Variants in ANKRD26 observed in about 807,000 individuals in gnomAD.
ANKRD26 encodes ankyrin repeat domain 26.
ANKRD26 carries 141 observed loss-of-function variants against 208.7 expected under a neutral mutation model. The observed-to-expected ratio is 0.68, with a 90% CI of 0.59 to 0.78. The LOEUF is 0.78. ANKRD26 is among the 30% of genes least tolerant of loss of function. The pLI, the probability that ANKRD26 is intolerant of heterozygous loss-of-function variation, is 0.00. For synonymous variants in ANKRD26, 636 were observed against 660.4 expected, an observed-to-expected ratio of 0.96 and a Z score of 0.57; for missense variants, 1,889 against 1,938.7, an observed-to-expected ratio of 0.97 and a Z score of 0.48.
intron 25 of ANKRD26, among the ~76,000 whole-genome samples, chr10:27,029,981 C>G (rs958000232): frequency 2.6e-5 from 4 of 152,080 alleles, no homozygotes; most frequent in African/African-American, 7.2e-5. Context: ...GAAACAGAGA[C>G]AGTAATACTA....
At chr10:27,077,569 T>C (rs1312702438) in intron 8 of ANKRD26, 29 bp from the exon 9 acceptor site, 5 of 1,611,214 alleles carry the variant, frequency 3.1e-6, no homozygotes, top group Non-Finnish European at 4.2e-6. Context: ...AAAGAGTAAA[T>C]GAAAATATAT....
rs937170371 is a variant in ANKRD26 at position 27,050,038 on chromosome 10, T to C, written c.1636-1059A>G. ...GAGTTTAAGACCAGCCTGGCCAACA[T>C]GGTGAAACCCCATCTCTACTAAAAT... On this transcript the variant is annotated intron_variant, in intron 16 of 33. Transcript: ENST00000376087. Among the ~76,000 whole-genome samples the C allele has an allele frequency of 4.0e-5, 6 of 151,430 alleles. 1 individual carries two copies. The South Asian group carries it at 1.3e-3, about 32-fold the overall frequency.
At chr10:26,987,304 T>G (rs112924241), downstream of ANKRD26, among the ~76,000 whole-genome samples, 1 of 152,100 alleles carries the variant, frequency 6.6e-6, no homozygotes, top group African/African-American at 2.4e-5. Context: ...GGGGGATGGA[T>G]AGCATTAGGA....
At chr10:26,996,118 T>C (rs930478949) in intron 4 of ANKRD26, among the ~76,000 whole-genome samples, 26 of 152,188 alleles carry the variant, frequency 1.7e-4, no homozygotes, top group African/African-American at 5.8e-4. Context: ...TGTCTAAATA[T>C]TATGATATTG....
intron 9 of ANKRD26, among the ~76,000 whole-genome samples, chr10:27,073,879 C>G (rs1564414905): frequency 6.6e-6 from 1 of 152,132 alleles, no homozygotes; most frequent in Non-Finnish European, 1.5e-5. Context: ...CTGAGAAAAT[C>G]ATCACACAAA....
downstream of ANKRD26, among the ~76,000 whole-genome samples, chr10:26,991,521 C>A (rs2052485695): frequency 6.6e-6 from 1 of 151,992 alleles, no homozygotes; most frequent in Admixed American, 6.6e-5. Flanking sequence ...ACTGCAACTG[C>A]AACCTCTGCC....
At chr10:27,051,356 A>G (rs752663233) in intron 16 of ANKRD26, 1 of 1,253,914 alleles carries the variant, frequency 8.0e-7, no homozygotes, top group African/African-American at 1.6e-5. Flanking sequence ...TGTGAAACAT[A>G]TGATTCATTT....
chr10:27,071,940 T>C (rs1424285196), intron 9 of ANKRD26, among the ~76,000 whole-genome samples: 1 of 152,222 alleles, frequency 6.6e-6, no homozygotes, highest in Non-Finnish European at 1.5e-5. Context: ...TTCTTGATCC[T>C]ACCTCACAGG....
intron 29 of ANKRD26, among the ~76,000 whole-genome samples, chr10:27,018,558 A>G (rs2053382458): frequency 6.6e-6 from 1 of 152,188 alleles, no homozygotes; most frequent in Non-Finnish European, 1.5e-5. Context: ...GAATCTTGTA[A>G]TATAGATTCT....
chr10:27,018,141 A>ATT (rs11346457), intron 29 of ANKRD26, among the ~76,000 whole-genome samples: 6 of 131,162 alleles, frequency 4.6e-5, no homozygotes, highest in Admixed American at 7.7e-5. Context: ...ATGCCCTATA[A>ATT]TTTTTTTTTT....
chr10:27,080,334 C>T (rs1177103825), intron 6 of ANKRD26, among the ~76,000 whole-genome samples: 1 of 152,118 alleles, frequency 6.6e-6, no homozygotes, highest in Non-Finnish European at 1.5e-5. Context: ...TCATTGCTTC[C>T]CTTCACCCTA....
intron 16 of ANKRD26, 47 bp downstream of exon 16, chr10:27,053,273 G>A (rs2054724488): frequency 1.5e-6 from 2 of 1,357,290 alleles, no homozygotes; most frequent in Non-Finnish European, 1.0e-6. Context: ...CATCATTAAA[G>A]CAAAGAAAAC....
At chr10:27,074,134 C>G (rs1214955890) in intron 9 of ANKRD26, among the ~76,000 whole-genome samples, 1 of 151,766 alleles carries the variant, frequency 6.6e-6, no homozygotes, top group African/African-American at 2.4e-5. Context: ...TTCTATAATC[C>G]CCCTAAAAGA....
intron 1 of ANKRD26, among the ~76,000 whole-genome samples, chr10:27,098,244 A>T (rs2056530254): frequency 6.6e-6 from 1 of 151,884 alleles, no homozygotes; most frequent in Admixed American, 6.6e-5. Context: ...CTCCTGGGTC[A>T]AGCAATCCTC....
At chr10:27,074,501 C>T (rs545648616) in intron 9 of ANKRD26, among the ~76,000 whole-genome samples, 1 of 151,914 alleles carries the variant, frequency 6.6e-6, no homozygotes, top group Admixed American at 6.6e-5. Context: ...GCCAACATGG[C>T]GAAACCCTGT....
chr10:26,991,238 G>A (rs936066629), downstream of ANKRD26, among the ~76,000 whole-genome samples: 8 of 152,008 alleles, frequency 5.3e-5, no homozygotes, highest in African/African-American at 1.5e-4. Context: ...TGCAGGCCTG[G>A]GCCACCTTCA....
At chr10:26,951,870 G>A in the ANKRD26 span, among the ~76,000 whole-genome samples, 1 of 152,222 alleles carries the variant, frequency 6.6e-6, no homozygotes, top group Admixed American at 6.5e-5. Context: ...CTCAGGATAA[G>A]CTAATTGCTG....
intron 6 of ANKRD26, chr10:27,080,967 G>A (rs914369885): frequency 1.0e-6 from 1 of 985,210 alleles, no homozygotes; most frequent in Non-Finnish European, 1.2e-6. Context: ...CCTGCCCTGG[G>A]CCACAGATCT....
chr10:27,089,084 A>G (rs2056213509), intron 4 of ANKRD26, among the ~76,000 whole-genome samples: 1 of 152,238 alleles, frequency 6.6e-6, no homozygotes, highest in South Asian at 2.1e-4. Context: ...ATGGATCACC[A>G]TGAAGGCTGA....
Sources: gnomAD v4.1 joint callset for allele counts (sites outside exome capture counted in the v4.1 genomes callset) on GRCh38, gnomAD v4.1.1 for gene constraint, MANE v1.5 for transcripts, NCBI Gene and HGNC (gene_info 2026-07-23, HGNC 2026-07-21) for gene names.